The following IFT122 variants were observed in gnomAD, a reference collection of about 807,000 sequenced individuals.
IFT122 encodes intraflagellar transport 122.
IFT122 carries 118 observed loss-of-function variants against 161.6 expected under a neutral mutation model. The ratio of observed to expected loss-of-function variants is 0.73; its 90% CI spans 0.63 to 0.85. IFT122 has a LOEUF of 0.85. Among genes scored for constraint, IFT122 ranks in the 40% least tolerant of loss-of-function variants. IFT122 has a pLI of 0.00. For synonymous variants in IFT122, 550 were observed against 602.4 expected, an observed-to-expected ratio of 0.91 and a Z score of 1.27; for missense variants, 1,381 against 1,579.6, an observed-to-expected ratio of 0.87 and a Z score of 2.13.
chr3:129,503,163 A>G (rs1031765433), intron 20 of IFT122, among the ~76,000 whole-genome samples: 1 of 152,196 alleles, frequency 6.6e-6, no homozygotes, highest in African/African-American at 2.4e-5. Flanking sequence ...TGTGAACACG[A>G]CAGCTCCAGT....
chr3:129,473,164 G>A (rs1011712789), intron 9 of IFT122, among the ~76,000 whole-genome samples: 3 of 152,142 alleles, frequency 2.0e-5, no homozygotes, highest in South Asian at 4.1e-4. Flanking sequence ...TGGCCAGGGA[G>A]GTGGCAGGCA....
At chr3:129,463,733 T>A (rs1205757221) in intron 6 of IFT122, 107 bp downstream of exon 6, 1 of 878,474 alleles carries the variant, frequency 1.1e-6, no homozygotes, top group Non-Finnish European at 1.9e-6. Context: ...AGGTAGTTGG[T>A]TTAGGCCCCT....
chr3:129,514,233 C>G, intron 24 of IFT122, 156 bp from the exon 25 acceptor site: 1 of 798,180 alleles, frequency 1.3e-6, no homozygotes, highest in Admixed American at 2.0e-5. Flanking sequence ...GTACACTCAC[C>G]TCTCACAAGC....
Position 129,467,018 on chromosome 3 carries a change from A to T in IFT122, c.692A>T (p.Glu231Val). 6.2e-7 allele frequency: 1 copy of T among 1,614,230 alleles called. No homozygotes were observed. Residue 231 changes from glutamate (E) to valine (V), a missense_variant, in exon 8 of 30, where the codon GAG (glutamate) becomes GTG (valine). Physicochemically the swap from Glu to Val is moderately radical, Grantham distance 121. This residue lies in a region of IFT122 where 544 missense variants were observed against 648.0 expected (regional missense o/e 0.84). Transcript: ENST00000348417. The part of the protein sequence containing the change: ...AVYSSQGSEA[E>V]EEEPEEEDDS... ...TACAGTAGTCAGGGTAGTGAGGCAGAGGAGGAAGAACCAGAGGAAGAGGAC... is the reference window on the plus strand; with the variant it reads ...TACAGTAGTCAGGGTAGTGAGGCAGTGGAGGAAGAACCAGAGGAAGAGGAC...
At chr3:129,481,742 T>A (rs758790223) in intron 14 of IFT122, 48 bp downstream of exon 14, 1 of 1,594,784 alleles carries the variant, frequency 6.3e-7, no homozygotes, top group South Asian at 1.1e-5. Context: ...GATTAGAGAC[T>A]CTCCTCTAGC....
intron 20 of IFT122, chr3:129,504,043 A>G (rs1463180597): frequency 6.7e-6 from 3 of 450,320 alleles, no homozygotes; most frequent in African/African-American, 4.0e-5. Flanking sequence ...CCCTCAAAAT[A>G]AAATGTTTCC....
Position 129,449,950 on chromosome 3 carries a change from C to CT in IFT122, c.108+15dup, listed in dbSNP as rs1343905181. The CT allele has an allele frequency of 1.3e-6, 2 of 1,583,608 alleles. No homozygotes were observed. The highest frequency in any genetic ancestry group is 2.7e-5 in the African/African-American group (2 of 74,044). On this transcript the variant is annotated intron_variant, in intron 2 of 29. Transcript: ENST00000348417. ...AAGCAGATTACTGGTAGGATTTTGT[C>CT]TTAGTTTCCTCTTAAAGTGCTTCCC...
chr3:129,444,788 A>G (rs1353406208), intron 1 of IFT122, among the ~76,000 whole-genome samples: 1 of 152,268 alleles, frequency 6.6e-6, no homozygotes, highest in Admixed American at 6.5e-5. Context: ...CCAAAATGCT[A>G]AGATTATAGG....
chr3:129,454,395 T>TA (rs60037525), intron 3 of IFT122, among the ~76,000 whole-genome samples: 1,581 of 133,952 alleles, frequency 0.012, 19 homozygotes, highest in East Asian at 0.029. Flanking sequence ...CTCTGTCTCT[T>TA]AAAAAAAAAA....
At chr3:129,450,076 G>A (rs1014074889) in intron 2 of IFT122, 139 bp downstream of exon 2, 2 of 690,782 alleles carry the variant, frequency 2.9e-6, no homozygotes, top group Non-Finnish European at 5.2e-6. Flanking sequence ...CTTTTTAATA[G>A]GGATGGAAAT....
intron 23 of IFT122, among the ~76,000 whole-genome samples, chr3:129,509,080 TC>T (rs1480574451): frequency 6.6e-6 from 1 of 152,226 alleles, no homozygotes; most frequent in Non-Finnish European, 1.5e-5. Flanking sequence ...TTTTTCTCAG[TC>T]CAGCCGTGGA....
chr3:129,495,689 A>G (rs2108484727), intron 18 of IFT122, 82 bp downstream of exon 18: 1 of 1,512,008 alleles, frequency 6.6e-7, no homozygotes, highest in Non-Finnish European at 9.2e-7. Flanking sequence ...TATTTTCCCC[A>G]AGAGTGCTGC....
chr3:129,468,581 T>A (rs2077043758), intron 8 of IFT122, among the ~76,000 whole-genome samples: 1 of 152,182 alleles, frequency 6.6e-6, no homozygotes, highest in Non-Finnish European at 1.5e-5. Flanking sequence ...TGACCTCAGG[T>A]GATCCACCTG....
intron 26 of IFT122, among the ~76,000 whole-genome samples, chr3:129,517,038 T>C (rs1293856805): frequency 2.7e-4 from 20 of 73,926 alleles, no homozygotes; most frequent in Non-Finnish European, 4.9e-4. Context: ...AGATTGCTCC[T>C]GCACACACAC....
At chr3:129,479,951 G>A in intron 13 of IFT122, 29 bp downstream of exon 13, 1 of 1,613,312 alleles carries the variant, frequency 6.2e-7, no homozygotes, top group African/African-American at 1.3e-5. Flanking sequence ...CTCCTGTCAG[G>A]CTGATAATCT....
chr3:129,505,468 AG>A (rs2082097973), intron 21 of IFT122, among the ~76,000 whole-genome samples: 1 of 152,226 alleles, frequency 6.6e-6, no homozygotes, highest in Admixed American at 6.5e-5. Flanking sequence ...CAGTTGCTGA[AG>A]TATCTGCATG....
chr3:129,461,206 T>C (rs776829183), intron 4 of IFT122, 22 bp from the exon 5 acceptor site: 2 of 1,573,908 alleles, frequency 1.3e-6, no homozygotes, highest in Admixed American at 3.3e-5. Flanking sequence ...TGCATAGTAA[T>C]CTACAGTTGT....
rs996386156 is a variant in IFT122 at position 129,461,120 on chromosome 3, A to G, written c.273-108A>G. ...TTTTGTTGGTCACTTGCAGAAGAGC[A>G]TGTGGTCTAAAGTCAGAGGCTGTGG... is the stretch of plus-strand genomic sequence containing the variant. On this transcript the variant is annotated intron_variant, in intron 4 of 29. Transcript: ENST00000348417. The G allele has an allele frequency of 3.0e-6, 3 of 993,318 alleles. No individual in the cohort carries two copies. In the African/African-American group the frequency reaches 4.8e-5, roughly 16 times the overall value. The allele number at this position is 993,318 out of a possible 1,614,324, so 61.5% of individuals were successfully genotyped here.
intron 1 of IFT122, 150 bp downstream of exon 1, chr3:129,440,521 C>T: frequency 1.0e-6 from 1 of 964,102 alleles, no homozygotes; most frequent in South Asian, 1.5e-5. Flanking sequence ...GGTCGCCCTC[C>T]CGCCCCTTGG....
Sources: allele counts gnomAD v4.1 joint callset (sites outside exome capture counted in the v4.1 genomes callset), GRCh38; gene constraint gnomAD v4.1.1; regional missense constraint gnomAD v4.1.1; transcripts MANE v1.5; gene names NCBI Gene and HGNC (gene_info 2026-07-23, HGNC 2026-07-21).